The following ARSH variants were observed in gnomAD, a reference collection of about 807,000 sequenced individuals.
The protein encoded by ARSH is arylsulfatase family member H.
ARSH carries 32 observed loss-of-function variants against 28.7 expected under a neutral mutation model. That is an observed-to-expected ratio of 1.11 (90% confidence interval 0.84 to 1.50). The LOEUF (loss-of-function observed/expected upper bound fraction) is 1.50, where lower values mean the gene tolerates loss of function less well. Among genes scored for constraint, ARSH ranks in the 40% most tolerant of loss-of-function variants. The pLI, the probability that ARSH is intolerant of heterozygous loss-of-function variation, is 0.00. For synonymous variants in ARSH, 176 were observed against 177.3 expected (o/e 0.99, Z 0.06); for missense variants, 440 against 452.4 (o/e 0.97, Z 0.25).
chrX:3,012,631 CA>C (rs2089854061), intron 2 of ARSH, among the ~76,000 whole-genome samples: 1 of 66,827 alleles, frequency 1.5e-5, no homozygotes, highest in Non-Finnish European at 2.6e-5. Flanking sequence ...TACACACACA[CA>C]CATATGAAAA....
At chrX:3,025,852 G>C (rs1397762365) in intron 6 of ARSH, among the ~76,000 whole-genome samples, 3 of 110,524 alleles carry the variant, frequency 2.7e-5, no homozygotes, top group Non-Finnish European at 3.8e-5. Context: ...GCATGAGTAT[G>C]TGTGAGTGTA....
intron 3 of ARSH, 67 bp from the exon 4 acceptor site, chrX:3,014,903 C>T: frequency 1.9e-6 from 2 of 1,053,906 alleles, no homozygotes; most frequent in Non-Finnish European, 2.6e-6. Context: ...GGGAAGCCCA[C>T]ATTCTAGAAA....
At chrX:3,007,088 A>T (rs1019572963) in intron 1 of ARSH, among the ~76,000 whole-genome samples, 5 of 97,944 alleles carry the variant, frequency 5.1e-5, no homozygotes, top group African/African-American at 2.2e-4. Context: ...CAAAAATAAT[A>T]AAAAAAAAAA....
At chrX:3,028,809 G>A (rs1421065662) in intron 7 of ARSH, among the ~76,000 whole-genome samples, 2 of 110,860 alleles carry the variant, frequency 1.8e-5, no homozygotes, top group East Asian at 5.7e-4. Context: ...GCCAGGCGCC[G>A]TGGCTCACGC....
chrX:3,028,444 C>T (rs954089828), intron 7 of ARSH, among the ~76,000 whole-genome samples: 2 of 109,353 alleles, frequency 1.8e-5, no homozygotes, highest in African/African-American at 3.3e-5. Context: ...CTCTTGACCT[C>T]GTGATCCACC....
In ARSH at chrX:3,033,394, G is replaced by T. The variant is rs770502968; in HGVS notation, c.*9G>T. On this transcript the variant is annotated 3_prime_UTR_variant, in exon 9 of 9. Coordinates refer to ENST00000381130, the MANE Select transcript of ARSH (RefSeq NM_001011719.2). ...TTCCCATGGCTCCCTGAGACCATGC[G>T]GACCACGTGTTACCCACCACAAACT... 3.4e-6 allele frequency: 4 copies of T among 1,184,454 alleles called. No homozygotes were observed. In the Admixed American group the frequency reaches 9.2e-5, roughly 27 times the overall value.
At chrX:3,019,672 C>A (rs2089876088) in intron 5 of ARSH, among the ~76,000 whole-genome samples, 2 of 111,236 alleles carry the variant, frequency 1.8e-5, no homozygotes, top group South Asian at 7.6e-4. Context: ...GAACAATCTC[C>A]CAGTTATCAG....
At chrX:3,025,326 A>G (rs962054049) in intron 6 of ARSH, among the ~76,000 whole-genome samples, 2 of 105,808 alleles carry the variant, frequency 1.9e-5, no homozygotes, top group African/African-American at 6.7e-5. Flanking sequence ...ACATAATTCT[A>G]TATATTTACT....
At position 3,029,314 on chromosome X, in the gene ARSH, C is replaced by T; in HGVS notation, c.1267C>T (p.Leu423Phe). ...GRASHSDHEF[L>F]FHYCGVYLHT... ...GGCGTCCCACTCCGACCACGAGTTCCTCTTCCACTACTGTGGGGTCTATCT... is the reference window on the plus strand; with the variant it reads ...GGCGTCCCACTCCGACCACGAGTTCTTCTTCCACTACTGTGGGGTCTATCT... Residue 423 changes from leucine to phenylalanine, a missense_variant, in exon 8 of 9, where the codon CTC (leucine) becomes TTC (phenylalanine). By Grantham distance (22) the Leu-to-Phe change is conservative. Coordinates refer to ENST00000381130, the MANE Select transcript of ARSH (RefSeq NM_001011719.2). 8.3e-7 allele frequency: 1 copy of T among 1,211,177 alleles called. No individual in the cohort carries two copies. Among genetic ancestry groups the T allele is most frequent in the Non-Finnish European group, 1.1e-6 (1 of 895,276 alleles).
intron 6 of ARSH, 98 bp downstream of exon 6, chrX:3,024,253 T>G (rs2089892799): frequency 3.2e-6 from 3 of 930,585 alleles, no homozygotes; most frequent in Non-Finnish European, 4.3e-6. Context: ...TGTTCAGATA[T>G]TTTGATGTGA....
chrX:3,019,574 C>T (rs1019537972), intron 5 of ARSH, among the ~76,000 whole-genome samples: 1 of 111,115 alleles, frequency 9.0e-6, no homozygotes, highest in East Asian at 2.8e-4. Context: ...TTCCTCTCAG[C>T]GATGGTGTTT....
chrX:3,006,575 C>G lies in ARSH; in HGVS notation c.-38C>G. 8.9e-7 allele frequency: 1 copy of G among 1,123,541 alleles called. No homozygotes were observed. The highest frequency in any genetic ancestry group is 1.2e-6 in the Non-Finnish European group (1 of 816,798). The allele number at this position is 1,123,541 out of a possible 1,213,427, so 92.6% of individuals were successfully genotyped here. ...TTCAGGAGCTGCTGGCTGTCAGTGT[C>G]CCTGTGCTGTTTGTTTTGCGGTGTT... On this transcript the variant is annotated 5_prime_UTR_variant, in exon 1 of 9. Transcript: ENST00000381130.
chrX:3,021,795 C>T (rs894486616), intron 5 of ARSH, among the ~76,000 whole-genome samples: 12 of 106,548 alleles, frequency 1.1e-4, no homozygotes, highest in Non-Finnish European at 2.1e-4. Flanking sequence ...TCACCACACA[C>T]TTGACCTCCT....
intron 5 of ARSH, among the ~76,000 whole-genome samples, chrX:3,023,563 T>C (rs1603463520): frequency 9.3e-6 from 1 of 107,143 alleles, no homozygotes; most frequent in Middle Eastern, 0.013. Context: ...ACATAGTATG[T>C]ATTGATTGTA....
At chrX:3,027,696 T>G (rs1289559517) in intron 7 of ARSH, among the ~76,000 whole-genome samples, 4 of 112,292 alleles carry the variant, frequency 3.6e-5, no homozygotes, top group Non-Finnish European at 7.5e-5. Context: ...CACTTATGCC[T>G]GTGTGTGTTT....
intron 8 of ARSH, among the ~76,000 whole-genome samples, chrX:3,032,019 C>A (rs761309942): frequency 8.9e-6 from 1 of 111,811 alleles, no homozygotes; most frequent in South Asian, 3.8e-4. Context: ...ATGATTTGAT[C>A]CTATTTTAGT....
At position 3,015,142 on chromosome X, in the gene ARSH, G is replaced by C. The variant is rs371326506; in HGVS notation, c.513G>C (p.Thr171=). The change falls in exon 4 of 9, where the codon ACG becomes ACC. Residue 171 remains threonine, a synonymous_variant. Transcript: ENST00000381130. ...RWLRIKLWIS[T]VALALVPFLL... is the part of the protein sequence containing the mutation. ...TCAGGATCAAACTGTGGATCTCCAC[G>C]GTAGCCCTTGCCCTGGTTCCTTTTC... 5 of 1,205,766 alleles carry C rather than the reference G, an allele frequency of 4.1e-6. No individual in the cohort carries two copies. The highest frequency in any genetic ancestry group is 1.8e-5 in the African/African-American group (1 of 56,972).
At chrX:3,020,731 G>A (rs2089881551) in intron 5 of ARSH, among the ~76,000 whole-genome samples, 1 of 111,429 alleles carries the variant, frequency 9.0e-6, no homozygotes, top group African/African-American at 3.3e-5. Flanking sequence ...AACTAACCCT[G>A]ACATCCAAAC....
rs1460004018 is a variant in ARSH, at chrX:3,014,954, T to G, written c.341-16T>G. ...TGCTGCCATGCTGCCATGGTACGATTTTATTTTACTTTTAGGCAAATGGCA... is the reference window on the plus strand; with the variant it reads ...TGCTGCCATGCTGCCATGGTACGATGTTATTTTACTTTTAGGCAAATGGCA... On this transcript the variant is annotated splice_polypyrimidine_tract_variant and intron_variant, in intron 3 of 8. Transcript: ENST00000381130. 8.3e-7 allele frequency: 1 copy of G among 1,199,140 alleles called. No individual in the cohort carries two copies. The highest frequency in any genetic ancestry group is 3.0e-5 in the East Asian group (1 of 33,646).
Sources: gnomAD v4.1 joint callset for allele counts (sites outside exome capture counted in the v4.1 genomes callset) on GRCh38, gnomAD v4.1.1 for gene constraint, MANE v1.5 for transcripts, NCBI Gene and HGNC (gene_info 2026-07-23, HGNC 2026-07-21) for gene names.